CPT1A: variants seen among roughly 807,000 people sequenced by gnomAD.
CPT1A encodes carnitine O-palmitoyltransferase 1, liver isoform.
A neutral mutation model predicts 100.8 loss-of-function variants in CPT1A; 64 were observed. That is an observed-to-expected ratio of 0.63 (90% CI 0.52 to 0.78). CPT1A has a LOEUF of 0.78. Among genes scored for constraint, CPT1A ranks in the 30% least tolerant of loss-of-function variants. The pLI is 0.00. For synonymous variants in CPT1A, 363 were observed against 396.0 expected, an observed-to-expected ratio of 0.92 and a Z score of 0.99; for missense variants, 802 against 1,034.1, an observed-to-expected ratio of 0.78 and a Z score of 3.08.
chr11:68,831,483 T>A (rs1176691624), intron 1 of CPT1A, among the ~76,000 whole-genome samples: 3 of 152,158 alleles, frequency 2.0e-5, no homozygotes. Context: ...GCAACTGAAA[T>A]ATGTAAATAA....
intron 5 of CPT1A, among the ~76,000 whole-genome samples, chr11:68,802,157 G>C (rs1855918427): frequency 6.6e-6 from 1 of 152,078 alleles, no homozygotes; most frequent in South Asian, 2.1e-4. Context: ...GTGGCTATGA[G>C]CTTTTGGGGG....
At chr11:68,775,642 G>C (rs1361121038) in intron 12 of CPT1A, among the ~76,000 whole-genome samples, 2 of 152,178 alleles carry the variant, frequency 1.3e-5, no homozygotes, top group African/African-American at 4.8e-5. Context: ...CTAAGGGCTT[G>C]CTCAAGTTTG....
chr11:68,778,848 T>C (rs1292883045), intron 12 of CPT1A, among the ~76,000 whole-genome samples: 1 of 151,652 alleles, frequency 6.6e-6, no homozygotes, highest in African/African-American at 2.4e-5. Context: ...TGCAGTGGCG[T>C]GATCTCGGCT....
At chr11:68,780,873 C>T (rs1855291291) in intron 11 of CPT1A, 128 bp from the exon 12 acceptor site, 1 of 727,836 alleles carries the variant, frequency 1.4e-6, no homozygotes. Context: ...AGTGAGCAGA[C>T]ACTCAGTCTC....
chr11:68,810,920 G>A (rs1856185151), intron 3 of CPT1A, among the ~76,000 whole-genome samples: 1 of 152,102 alleles, frequency 6.6e-6, no homozygotes, highest in South Asian at 2.1e-4. Flanking sequence ...GGGAGGCGGA[G>A]GTTGCAGTGA....
chr11:68,817,100 G>GGTGT (rs568161603), intron 1 of CPT1A, among the ~76,000 whole-genome samples: 1 of 130,104 alleles, frequency 7.7e-6, no homozygotes, highest in African/African-American at 3.3e-5. Context: ...GTGTGTGTGT[G>GGTGT]GTGTGTGTGT....
intron 12 of CPT1A, 138 bp downstream of exon 12, chr11:68,780,502 T>C (rs1177819884): frequency 1.4e-6 from 1 of 707,470 alleles, no homozygotes; most frequent in Non-Finnish European, 2.5e-6. Context: ...CAGGCTGGTC[T>C]TGAACTCCTG....
At chr11:68,758,771 A>G (rs955908646) in intron 18 of CPT1A, among the ~76,000 whole-genome samples, 7 of 152,006 alleles carry the variant, frequency 4.6e-5, no homozygotes, top group Non-Finnish European at 8.8e-5. Flanking sequence ...GGCGTGTGCC[A>G]CCACACCAGC....
intron 2 of CPT1A, among the ~76,000 whole-genome samples, chr11:68,813,627 A>G (rs941647873): frequency 5.4e-5 from 8 of 148,976 alleles, no homozygotes; most frequent in Non-Finnish European, 8.9e-5. Context: ...GCCTGAGCCC[A>G]GTGAGGCTAC....
chr11:68,816,419 T>C (rs546285907), intron 1 of CPT1A, among the ~76,000 whole-genome samples: 3 of 152,324 alleles, frequency 2.0e-5, no homozygotes, highest in African/African-American at 4.8e-5. Flanking sequence ...CCCCACGGGC[T>C]AAACGGATCC....
At chr11:68,762,821 G>T (rs1486500055) in intron 14 of CPT1A, 60 bp from the exon 15 acceptor site, 13 of 1,604,782 alleles carry the variant, frequency 8.1e-6, no homozygotes, top group Non-Finnish European at 1.1e-5. Context: ...TAAAACGTAA[G>T]GAAGGATTGG....
chr11:68,814,559 CG>C (rs1856329143), intron 2 of CPT1A, among the ~76,000 whole-genome samples: 1 of 152,210 alleles, frequency 6.6e-6, no homozygotes, highest in South Asian at 2.1e-4. Context: ...CCACCCGCCT[CG>C]GCCTCCCAAA....
At chr11:68,766,643 G>A (rs749107154) in intron 14 of CPT1A, among the ~76,000 whole-genome samples, 3 of 151,718 alleles carry the variant, frequency 2.0e-5, no homozygotes, top group Non-Finnish European at 2.9e-5. Flanking sequence ...CTGCCACCAC[G>A]CCCAGCTAAT....
Position 68,781,977 on chromosome 11 carries a change from T to C in CPT1A, c.1164-18A>G. On this transcript the variant is annotated intron_variant, in intron 10 of 18. Transcript: ENST00000265641. ...AGGGAACTCTGCAGTGAAGATGAAA[T>C]ACGATTAAAGGCAGCCCGACCTGCA... 6.2e-7 allele frequency: 1 copy of C among 1,613,222 alleles called. No homozygotes were observed. Among genetic ancestry groups the C allele is most frequent in the South Asian group, 1.1e-5 (1 of 91,068 alleles).
chr11:68,782,323 G>A (rs1003345476), intron 10 of CPT1A, among the ~76,000 whole-genome samples: 8 of 152,130 alleles, frequency 5.3e-5, no homozygotes, highest in South Asian at 2.1e-4. Context: ...GGTAAGTTCC[G>A]GCAGCCCAGG....
intron 12 of CPT1A, among the ~76,000 whole-genome samples, chr11:68,779,515 G>C (rs982932786): frequency 1.5e-5 from 1 of 67,450 alleles, no homozygotes; most frequent in Non-Finnish European, 3.5e-5. Flanking sequence ...AAAAAAAAAG[G>C]CTGAGTGTGG....
intron 2 of CPT1A, among the ~76,000 whole-genome samples, chr11:68,814,015 A>G (rs1363306689): frequency 6.6e-6 from 1 of 151,964 alleles, no homozygotes; most frequent in Non-Finnish European, 1.5e-5. Flanking sequence ...GGCCCACTTC[A>G]GTGCCGCCCT....
intron 13 of CPT1A, 104 bp from the exon 14 acceptor site, chr11:68,773,533 G>A: frequency 3.2e-6 from 5 of 1,572,166 alleles, no homozygotes; most frequent in Non-Finnish European, 4.3e-6. Context: ...CTATAAACTC[G>A]GTACTGGGAA....
upstream of CPT1A, chr11:68,841,928 G>A (rs540920590): frequency 1.0e-6 from 1 of 984,830 alleles, no homozygotes; most frequent in Non-Finnish European, 1.2e-6. This position sits in a 1 kb window ranked among gnomAD's most constrained non-coding sequence, Gnocchi z 6.3. Flanking sequence ...GCTGAGGCGG[G>A]TCCGGCTGCG....
Sources: gnomAD v4.1 joint callset for allele counts (sites outside exome capture counted in the v4.1 genomes callset) on GRCh38, gnomAD v4.1.1 for gene constraint, Gnocchi (gnomAD v3.1) non-coding constraint, MANE v1.5 for transcripts, NCBI Gene and HGNC (gene_info 2026-07-23, HGNC 2026-07-21) for gene names.